The following MAOB variants were observed in gnomAD, a reference collection of about 807,000 sequenced individuals.
MAOB encodes the protein amine oxidase [flavin-containing] B.
Under a neutral mutation model 41.9 loss-of-function variants are expected in MAOB, and 15 were observed. The ratio of observed to expected loss-of-function variants is 0.36; its 90% CI spans 0.24 to 0.55. The LOEUF is 0.55. Ranked by LOEUF, MAOB falls within the 20% of genes least tolerant of loss-of-function variation. MAOB has a pLI of 0.86. For missense variants in MAOB, 345 were observed against 398.7 expected (o/e 0.87, Z 1.15); for synonymous variants, 167 against 144.2 (o/e 1.16, Z -1.13).
At chrX:43,835,637 C>T (rs1295408258) in intron 3 of MAOB, among the ~76,000 whole-genome samples, 1 of 112,043 alleles carries the variant, frequency 8.9e-6, no homozygotes, top group African/African-American at 3.2e-5. Context: ...GAGGCCTGTT[C>T]ATCACAGCAC....
At chrX:43,784,718 G>C (rs1182392028) in intron 8 of MAOB, among the ~76,000 whole-genome samples, 1 of 112,278 alleles carries the variant, frequency 8.9e-6, no homozygotes, top group Non-Finnish European at 1.9e-5. Flanking sequence ...AAAGTCACCA[G>C]CTGCATTAAC....
chrX:43,783,899 T>C (rs899529133), intron 8 of MAOB, among the ~76,000 whole-genome samples: 2 of 112,488 alleles, frequency 1.8e-5, no homozygotes, highest in African/African-American at 6.5e-5. Flanking sequence ...CACTGCTTTA[T>C]CAACTAAGTT....
rs1171549806 is a variant in MAOB at position 43,843,700 on chromosome X, G to C, written c.111C>G (p.Asp37Glu). The C allele has an allele frequency of 8.3e-7, 1 of 1,210,642 alleles. No individual in the cohort carries two copies. Among genetic ancestry groups the C allele is most frequent in the South Asian group, 1.8e-5 (1 of 56,776 alleles). The change falls in exon 2 of 15, where the codon GAC becomes GAG. Residue 37 changes from aspartate (D) to glutamate (E), a missense_variant. Asp to Glu is a conservative substitution (Grantham distance 45, BLOSUM62 2). Coordinates refer to ENST00000378069, the MANE Select transcript of MAOB (RefSeq NM_000898.5). ...GAGTGTAAGTCCTGCCTCCCACACG[G>C]TCCCGGGCTTCCAGAACAACCACAT... ...GLNVVVLEAR[D>E]RVGGRTYTLR...
chrX:43,801,453 T>C (rs1242096774), intron 5 of MAOB, among the ~76,000 whole-genome samples: 1 of 111,403 alleles, frequency 9.0e-6, no homozygotes, highest in African/African-American at 3.3e-5. Flanking sequence ...GGCAGTCTCC[T>C]TGAATTTGGC....
chrX:43,814,523 C>T (rs922118798), intron 3 of MAOB, among the ~76,000 whole-genome samples: 3 of 112,556 alleles, frequency 2.7e-5, no homozygotes, highest in Non-Finnish European at 5.6e-5. Flanking sequence ...CCATTTGAGT[C>T]CCTACCATCT....
chrX:43,828,972 G>T (rs1417284336), intron 3 of MAOB, among the ~76,000 whole-genome samples: 1 of 111,781 alleles, frequency 8.9e-6, no homozygotes, highest in African/African-American at 3.3e-5. Context: ...AATTGAGTTT[G>T]GAACAGAATT....
intron 4 of MAOB, among the ~76,000 whole-genome samples, chrX:43,802,803 G>A (rs1484497183): frequency 9.1e-6 from 1 of 110,138 alleles, no homozygotes; most frequent in African/African-American, 3.3e-5. Flanking sequence ...AGGGGAGGGA[G>A]AGCATTAGGA....
At chrX:43,834,692 A>G (rs1308227855) in intron 3 of MAOB, among the ~76,000 whole-genome samples, 4 of 112,179 alleles carry the variant, frequency 3.6e-5, no homozygotes. Context: ...TTTGAGCAAT[A>G]GCAGCTATGG....
At position 43,882,450 on chromosome X, in the gene MAOB, T is replaced by G; in HGVS notation, c.-151A>C. 1 of 974,719 alleles carries G rather than the reference T, an allele frequency of 1.0e-6. No individual in the cohort carries two copies. Among genetic ancestry groups the G allele is most frequent in the East Asian group, 4.3e-5 (1 of 23,440 alleles). 80.3% of individuals were successfully genotyped at this position (974,719 alleles called of 1,213,427 possible). On this transcript the variant is annotated 5_prime_UTR_variant, in exon 1 of 15. Coordinates refer to ENST00000378069, the MANE Select transcript of MAOB (RefSeq NM_000898.5). Reference sequence around the variant, plus strand: ...CCAGCGCCTCGGCGAGCCGCTATATTACCAGCCCCGGGAGCCCGGACGCGC... The same window carrying G: ...CCAGCGCCTCGGCGAGCCGCTATATGACCAGCCCCGGGAGCCCGGACGCGC...
At chrX:43,828,579 C>T (rs376004207) in intron 3 of MAOB, among the ~76,000 whole-genome samples, 5 of 111,002 alleles carry the variant, frequency 4.5e-5, no homozygotes, top group Non-Finnish European at 5.7e-5. Flanking sequence ...AGAACCTGAA[C>T]GGAAAGGGGA....
chrX:43,861,548 G>A (rs892344519), intron 1 of MAOB, among the ~76,000 whole-genome samples: 1 of 111,642 alleles, frequency 9.0e-6, no homozygotes, highest in South Asian at 3.8e-4. Flanking sequence ...AATATCAATA[G>A]CATAATGTTA....
intron 1 of MAOB, among the ~76,000 whole-genome samples, chrX:43,870,985 T>G (rs1364747939): frequency 9.0e-6 from 1 of 110,755 alleles, no homozygotes; most frequent in African/African-American, 3.3e-5. Flanking sequence ...AAGCAGCCTC[T>G]GAGATGGGTT....
intron 1 of MAOB, among the ~76,000 whole-genome samples, chrX:43,875,036 T>C: frequency 8.9e-6 from 1 of 112,355 alleles, no homozygotes; most frequent in African/African-American, 3.2e-5. Context: ...GAAACATTGC[T>C]AACAGGGACT....
chrX:43,865,581 C>T (rs2035359528), intron 1 of MAOB, among the ~76,000 whole-genome samples: 1 of 111,456 alleles, frequency 9.0e-6, no homozygotes, highest in South Asian at 3.8e-4. Flanking sequence ...CTCAACAAAG[C>T]TATTATTTAA....
intron 3 of MAOB, among the ~76,000 whole-genome samples, chrX:43,828,940 A>G (rs1337320901): frequency 8.9e-6 from 1 of 111,850 alleles, no homozygotes; most frequent in Non-Finnish European, 1.9e-5. Context: ...ATCTCAAAAG[A>G]TGTTGCTTAT....
intron 1 of MAOB, among the ~76,000 whole-genome samples, chrX:43,849,334 T>A (rs1170865713): frequency 8.9e-6 from 1 of 112,213 alleles, no homozygotes; most frequent in East Asian, 2.8e-4. Flanking sequence ...ATTCAGGCAA[T>A]CTGACTCCAG....
intron 1 of MAOB, among the ~76,000 whole-genome samples, chrX:43,861,727 G>A (rs180888776): frequency 1.8e-5 from 2 of 111,367 alleles, no homozygotes; most frequent in East Asian, 5.6e-4. Flanking sequence ...TAATTCCTCT[G>A]GGGTATTTAA....
chrX:43,818,454 C>T (rs142713011), intron 3 of MAOB, among the ~76,000 whole-genome samples: 2 of 112,018 alleles, frequency 1.8e-5, no homozygotes, highest in Non-Finnish European at 3.8e-5. Flanking sequence ...GCTAGTTTCC[C>T]AGCTCCTGCT....
intron 1 of MAOB, among the ~76,000 whole-genome samples, chrX:43,880,344 A>G (rs1318826451): frequency 8.9e-6 from 1 of 112,092 alleles, no homozygotes; most frequent in Non-Finnish European, 1.9e-5. Context: ...AACATGATCC[A>G]TTTTTGAATC....
Sources: allele counts gnomAD v4.1 joint callset (sites outside exome capture counted in the v4.1 genomes callset), GRCh38; gene constraint gnomAD v4.1.1; transcripts MANE v1.5; gene names NCBI Gene and HGNC (gene_info 2026-07-23, HGNC 2026-07-21).